LNX1: variants seen among roughly 807,000 people sequenced by gnomAD.
LNX1 encodes E3 ubiquitin-protein ligase LNX.
A neutral mutation model predicts 68.4 loss-of-function variants in LNX1; 54 were observed. The ratio of observed to expected loss-of-function variants is 0.79; its 90% CI spans 0.63 to 0.99. The LOEUF is 0.99. Among genes scored for constraint, LNX1 ranks in the 50% least tolerant of loss-of-function variants. The probability of loss-of-function intolerance (pLI) is 0.00; values close to 1 mark genes in which losing one functional copy is unlikely to be tolerated. For missense variants in LNX1, 906 were observed against 926.4 expected (o/e 0.98, Z 0.29); for synonymous variants, 336 against 350.0 (o/e 0.96, Z 0.45).
intron 9 of LNX1, among the ~76,000 whole-genome samples, chr4:53,474,643 G>A (rs568989116): frequency 7.3e-4 from 111 of 152,302 alleles, no homozygotes; most frequent in South Asian, 3.5e-3. Context: ...TGTTACTACA[G>A]GGAGAGGATG....
chr4:53,579,346 T>G, intron 1 of LNX1: 2 of 819,836 alleles, frequency 2.4e-6, no homozygotes, highest in Non-Finnish European at 2.9e-6. Flanking sequence ...TGATCTGGAA[T>G]AGGACAGAAA....
At chr4:53,628,173 A>G (rs1734143895) in intron 1 of LNX1, among the ~76,000 whole-genome samples, 1 of 151,992 alleles carries the variant, frequency 6.6e-6, no homozygotes, top group South Asian at 2.1e-4. Context: ...GGCAGGTAAG[A>G]CTCTTCTTGA....
intron 2 of LNX1, among the ~76,000 whole-genome samples, chr4:53,513,883 T>C (rs987676756): frequency 6.6e-6 from 1 of 152,234 alleles, no homozygotes; most frequent in African/African-American, 2.4e-5. Flanking sequence ...CAACGATCTA[T>C]ACGGCCCTAT....
chr4:53,617,388 A>G (rs1218605733), exon 1 of LNX1: 2 of 152,228 alleles, frequency 1.3e-5, no homozygotes, highest in Non-Finnish European at 2.9e-5. Flanking sequence ...CAACTAGGAT[A>G]ATATCCAGAA....
chr4:53,536,387 G>C lies in LNX1; in HGVS notation c.381-28160C>G, dbSNP rs140848626. On this transcript the variant is annotated intron_variant, in intron 2 of 10. Coordinates refer to ENST00000263925, the MANE Select transcript of LNX1 (RefSeq NM_001126328.3). ...CACACAGTCAAAGTCGTTCCCTAAG[G>C]AACTCTTACAAAAATGGTCCCAGTA... Among the ~76,000 whole-genome samples the C allele has an allele frequency of 1.4e-3, 213 of 152,224 alleles. 1 individual carries two copies. The highest frequency in any genetic ancestry group is 4.6e-3 in the African/African-American group (189 of 41,538).
intron 1 of LNX1, among the ~76,000 whole-genome samples, chr4:53,627,792 A>C (rs954025784): frequency 6.6e-6 from 1 of 152,150 alleles, no homozygotes; most frequent in Non-Finnish European, 1.5e-5. Flanking sequence ...ACTGCTCCTA[A>C]AAGACGGTCT....
At chr4:53,496,416 G>A (rs568066758) in intron 5 of LNX1, 22 bp from the exon 6 acceptor site, 30 of 1,555,684 alleles carry the variant, frequency 1.9e-5, no homozygotes, top group Middle Eastern at 1.7e-4. Context: ...TGGAACAATC[G>A]TGCGGTCAGC....
chr4:53,475,071 A>ACT (rs61486411), intron 9 of LNX1, among the ~76,000 whole-genome samples: 123,503 of 152,012 alleles, frequency 0.81, 50,300 homozygotes, highest in Non-Finnish European at 0.85. Context: ...CCCAGCCCAG[A>ACT]CTACTTCCAG....
intron 1 of LNX1, among the ~76,000 whole-genome samples, chr4:53,626,959 T>C (rs1294322838): frequency 6.6e-6 from 1 of 152,348 alleles, no homozygotes; most frequent in East Asian, 1.9e-4. Flanking sequence ...TTACTCATCA[T>C]ACACCTTTGA....
At chr4:53,522,545 G>T (rs1254937948) in intron 2 of LNX1, among the ~76,000 whole-genome samples, 3 of 152,174 alleles carry the variant, frequency 2.0e-5, no homozygotes, top group African/African-American at 4.8e-5. Context: ...CATGGATGTT[G>T]GTTGAGCCTG....
In LNX1 at chr4:53,529,169, A is replaced by T. The variant is rs116065787; in HGVS notation, c.381-20942T>A. ...CACACACAGAAAACAACACGAGAAAACTTAGAAAACCAAAACTTAGGCACT... is the reference window on the plus strand; with the variant it reads ...CACACACAGAAAACAACACGAGAAATCTTAGAAAACCAAAACTTAGGCACT... On this transcript the variant is annotated intron_variant, in intron 2 of 10. Coordinates refer to ENST00000263925, the MANE Select transcript of LNX1 (RefSeq NM_001126328.3). 4.0e-3 allele frequency among the ~76,000 whole-genome samples: 605 copies of T among 151,816 alleles called. 7 individuals are homozygous for T. Among genetic ancestry groups the T allele is most frequent in the African/African-American group, 0.014 (582 of 41,394 alleles).
At chr4:53,461,801 A>G (rs549989814) in intron 9 of LNX1, among the ~76,000 whole-genome samples, 1 of 152,210 alleles carries the variant, frequency 6.6e-6, no homozygotes, top group Admixed American at 6.6e-5. Flanking sequence ...ATAATTTTGA[A>G]TATCCTTAAA....
intron 2 of LNX1, among the ~76,000 whole-genome samples, chr4:53,515,514 C>T (rs1239316507): frequency 5.0e-5 from 3 of 60,368 alleles, no homozygotes; most frequent in Non-Finnish European, 9.8e-5. Flanking sequence ...AAGGCCCCCA[C>T]CCCACCAAAA....
chr4:53,513,877 G>A (rs1726546705), intron 2 of LNX1, among the ~76,000 whole-genome samples: 1 of 152,248 alleles, frequency 6.6e-6, no homozygotes, highest in Non-Finnish European at 1.5e-5. Context: ...TCCTTACAAC[G>A]ATCTATACGG....
intron 9 of LNX1, among the ~76,000 whole-genome samples, chr4:53,475,179 A>G (rs4864763): frequency 0.044 from 6,676 of 152,346 alleles, 338 homozygotes; most frequent in African/African-American, 0.13. Context: ...AGCACCTCAC[A>G]TTGTCCTCTC....
At chr4:53,494,854 A>T (rs1724938410) in intron 6 of LNX1, among the ~76,000 whole-genome samples, 1 of 152,266 alleles carries the variant, frequency 6.6e-6, no homozygotes, top group African/African-American at 2.4e-5. Flanking sequence ...AACGTCGCTG[A>T]GACACAAAAC....
Position 53,573,669 on chromosome 4 carries a change from T to TGCAGTGCTCCCTGAATGGG in LNX1, c.315_333dup (p.Thr112ProfsTer14). ...AGGTCACAGCGCTGCAACACCTGGG[T>TGCAGTGCTCCCTGAATGGG]GCAGTGCTCCCTGAATGGGCAGGTC... On this transcript the variant is annotated frameshift_variant, in exon 2 of 11. Coordinates refer to ENST00000263925, the MANE Select transcript of LNX1 (RefSeq NM_001126328.3). LOFTEE classifies it high-confidence loss of function. 1 of 1,607,826 alleles carries TGCAGTGCTCCCTGAATGGG rather than the reference T, an allele frequency of 6.2e-7. No homozygotes were observed. Among genetic ancestry groups the TGCAGTGCTCCCTGAATGGG allele is most frequent in the Non-Finnish European group, 8.5e-7 (1 of 1,177,244 alleles).
At chr4:53,470,340 C>G (rs1357549452) in intron 9 of LNX1, among the ~76,000 whole-genome samples, 1 of 152,142 alleles carries the variant, frequency 6.6e-6, no homozygotes, top group African/African-American at 2.4e-5. Flanking sequence ...GGACGTATCT[C>G]AAAATAATAA....
intron 2 of LNX1, among the ~76,000 whole-genome samples, chr4:53,528,902 G>A (rs1460883696): frequency 6.6e-6 from 1 of 152,020 alleles, no homozygotes; most frequent in Non-Finnish European, 1.5e-5. Context: ...AGCTCAATCA[G>A]AGTTGAGACC....
Sources: allele counts gnomAD v4.1 joint callset (sites outside exome capture counted in the v4.1 genomes callset), GRCh38; gene constraint gnomAD v4.1.1; transcripts MANE v1.5; gene names NCBI Gene and HGNC (gene_info 2026-07-23, HGNC 2026-07-21).